The following IFNG-AS1 variants were observed in gnomAD, a reference collection of about 807,000 sequenced individuals.
IFNG-AS1 encodes IFNG antisense RNA 1 (non-protein coding).
At chr12:68,011,764 T>C (rs1043752554) in intron 3 of IFNG-AS1, among the ~76,000 whole-genome samples, 3 of 152,024 alleles carry the variant, frequency 2.0e-5, no homozygotes, top group Non-Finnish European at 2.9e-5. Context: ...AGGGCCAAAA[T>C]CAATGGTGTT....
In IFNG-AS1 at chr12:68,005,353, C is replaced by T. The variant is rs537645407; in HGVS notation, n.185-737C>T. Reference sequence around the variant, plus strand: ...ACAATCCTGTCTGCTGACTTAGCCACGATACAGCATGTAGAAATGCGCACA... The same window carrying T: ...ACAATCCTGTCTGCTGACTTAGCCATGATACAGCATGTAGAAATGCGCACA... On this transcript the variant is annotated intron_variant and non_coding_transcript_variant, in intron 2 of 5. Coordinates refer to ENST00000536914, the Ensembl canonical transcript of IFNG-AS1. Among the ~76,000 whole-genome samples, 9 of 152,258 alleles carry T rather than the reference C, an allele frequency of 5.9e-5. No individual in the cohort carries two copies. In the East Asian group the frequency reaches 1.2e-3, roughly 20 times the overall value.
intron 2 of IFNG-AS1, among the ~76,000 whole-genome samples, chr12:67,996,256 T>C (rs1217383783): frequency 6.6e-6 from 1 of 152,202 alleles, no homozygotes; most frequent in Admixed American, 6.5e-5. Context: ...TAGCAATTAG[T>C]ACAAGGCATG....
intron 3 of IFNG-AS1, among the ~76,000 whole-genome samples, chr12:68,006,817 G>A (rs1053291504): frequency 2.0e-5 from 3 of 152,178 alleles, no homozygotes; most frequent in Non-Finnish European, 4.4e-5. Context: ...CTTGGAAGAA[G>A]ACTTTGAAAC....
chr12:67,996,670 T>A (rs957798119), intron 2 of IFNG-AS1, among the ~76,000 whole-genome samples: 1 of 152,208 alleles, frequency 6.6e-6, no homozygotes, highest in Non-Finnish European at 1.5e-5. Flanking sequence ...AAATGGAAGC[T>A]AGCAGAAAAG....
At chr12:67,992,795 A>G (rs1274451901) in intron 1 of IFNG-AS1, among the ~76,000 whole-genome samples, 3 of 152,186 alleles carry the variant, frequency 2.0e-5, no homozygotes, top group Admixed American at 1.3e-4. Context: ...GCAAGTGTTG[A>G]CTTTGCACAG....
At chr12:68,007,988 A>C (rs910919083) in intron 3 of IFNG-AS1, among the ~76,000 whole-genome samples, 6 of 152,232 alleles carry the variant, frequency 3.9e-5, no homozygotes, top group Admixed American at 3.9e-4. Flanking sequence ...AAATCAGGCA[A>C]ACTAAAAATG....
intron 4 of IFNG-AS1, chr12:68,020,219 C>T (rs1416726832): frequency 6.6e-6 from 1 of 152,088 alleles, no homozygotes; most frequent in Non-Finnish European, 1.5e-5. Context: ...TGAAGCATGA[C>T]ACACGAATCA....
chr12:68,014,427 C>A (rs1202788038), intron 3 of IFNG-AS1, among the ~76,000 whole-genome samples: 1 of 152,214 alleles, frequency 6.6e-6, no homozygotes, highest in Non-Finnish European at 1.5e-5. Context: ...GTTCCCTGAT[C>A]ACTGCATCCA....
chr12:67,999,408 G>T (rs1196361101), intron 2 of IFNG-AS1, among the ~76,000 whole-genome samples: 1 of 152,142 alleles, frequency 6.6e-6, no homozygotes, highest in East Asian at 1.9e-4. Context: ...CATGGCTGGG[G>T]CAGGGAAAGT....
chr12:68,000,269 G>C (rs778621651), intron 2 of IFNG-AS1, among the ~76,000 whole-genome samples: 2 of 152,072 alleles, frequency 1.3e-5, no homozygotes, highest in Non-Finnish European at 2.9e-5. Flanking sequence ...ATATTAAAAA[G>C]AAAGAAAAGG....
chr12:68,009,230 G>A (rs1409429807), intron 3 of IFNG-AS1, among the ~76,000 whole-genome samples: 1 of 152,160 alleles, frequency 6.6e-6, no homozygotes, highest in African/African-American at 2.4e-5. Flanking sequence ...TACTTAAACT[G>A]TATTGTCTAG....
chr12:68,001,976 C>A (rs775407177), intron 2 of IFNG-AS1, among the ~76,000 whole-genome samples: 23 of 152,156 alleles, frequency 1.5e-4, no homozygotes, highest in Admixed American at 3.3e-4. Context: ...CAACCATGTT[C>A]TCAAAAATGT....
intron 3 of IFNG-AS1, among the ~76,000 whole-genome samples, chr12:68,018,965 A>G (rs1400016679): frequency 6.6e-6 from 1 of 151,636 alleles, no homozygotes; most frequent in African/African-American, 2.4e-5. Flanking sequence ...CAGAATTTGA[A>G]CTCTCTCATA....
At chr12:68,016,283 A>C (rs1379525678) in intron 3 of IFNG-AS1, among the ~76,000 whole-genome samples, 1 of 152,174 alleles carries the variant, frequency 6.6e-6, no homozygotes, top group East Asian at 1.9e-4. Flanking sequence ...TCCCTGCCTC[A>C]GAATCACTCA....
chr12:68,003,626 C>T (rs569867816), intron 2 of IFNG-AS1, among the ~76,000 whole-genome samples: 9 of 152,020 alleles, frequency 5.9e-5, no homozygotes, highest in Admixed American at 1.3e-4. Context: ...TTACAGAATC[C>T]GTATTAGGCC....
intron 3 of IFNG-AS1, among the ~76,000 whole-genome samples, chr12:68,016,905 G>T (rs1880168225): frequency 6.6e-6 from 1 of 152,190 alleles, no homozygotes; most frequent in African/African-American, 2.4e-5. Context: ...CATAAGGAAT[G>T]CCATGGTGAA....
At chr12:67,992,179 T>TGTC (rs1879533111) in intron 1 of IFNG-AS1, among the ~76,000 whole-genome samples, 1 of 152,258 alleles carries the variant, frequency 6.6e-6, no homozygotes, top group Non-Finnish European at 1.5e-5. Context: ...TATTGTTTTG[T>TGTC]GTCCCTAGAT....
At chr12:67,991,972 C>A (rs887225039) in intron 1 of IFNG-AS1, among the ~76,000 whole-genome samples, 12 of 152,180 alleles carry the variant, frequency 7.9e-5, no homozygotes, top group African/African-American at 2.4e-4. Context: ...ATAGTTATTT[C>A]AGATTTTTCA....
At chr12:68,014,809 C>T (rs1051381145) in intron 3 of IFNG-AS1, among the ~76,000 whole-genome samples, 7 of 152,078 alleles carry the variant, frequency 4.6e-5, no homozygotes, top group African/African-American at 1.7e-4. Flanking sequence ...CACACACACA[C>T]ACACACAGAC....
Sources: allele counts gnomAD v4.1 joint callset (sites outside exome capture counted in the v4.1 genomes callset), GRCh38; gene constraint gnomAD v4.1.1; transcripts MANE v1.5; gene names NCBI Gene and HGNC (gene_info 2026-07-23, HGNC 2026-07-21).